Variants in DSTYK observed in about 807,000 individuals in gnomAD.
DSTYK encodes the protein RIP-homologous kinase.
Under a neutral mutation model 98.7 loss-of-function variants are expected in DSTYK, and 34 were observed. That is an observed-to-expected ratio of 0.34 (90% CI 0.26 to 0.46). The LOEUF (loss-of-function observed/expected upper bound fraction) is 0.46, where lower values mean the gene tolerates loss of function less well. Among genes scored for constraint, DSTYK ranks in the 20% least tolerant of loss-of-function variants. The probability of loss-of-function intolerance (pLI) is 1.00; values close to 1 mark genes in which losing one functional copy is unlikely to be tolerated. For missense variants in DSTYK, 962 were observed against 1,181.7 expected (o/e 0.81, Z 2.73); for synonymous variants, 462 against 457.3 (o/e 1.01, Z -0.13).
intron 1 of DSTYK, among the ~76,000 whole-genome samples, chr1:205,199,101 A>T (rs972487157): frequency 2.0e-5 from 3 of 152,170 alleles, no homozygotes; most frequent in African/African-American, 7.2e-5. Flanking sequence ...GACAATTCTG[A>T]TGTATCATTA....
chr1:205,159,943 G>T, intron 8 of DSTYK, 171 bp downstream of exon 8: 1 of 863,972 alleles, frequency 1.2e-6, no homozygotes, highest in Non-Finnish European at 1.8e-6. Context: ...TTAGGATGGT[G>T]GGGAAAGAGC....
Position 205,202,127 on chromosome 1 carries a change from AGGGAAGGGGAAG to A in DSTYK, c.265+9132_265+9143del, listed in dbSNP as rs1033384076. On this transcript the variant is annotated intron_variant, in intron 1 of 12. Coordinates refer to ENST00000367162, the MANE Select transcript of DSTYK (RefSeq NM_015375.3). The stretch of plus-strand genomic sequence containing the variant: ...AGGGGGAAGGGAGAAGGGGAAGGGA[AGGGAAGGGGAAG>A]GGGAAGGGGAAGGGGCTTCTTCCCC... 14 of 453,958 alleles carry A rather than the reference AGGGAAGGGGAAG, an allele frequency of 3.1e-5. No individual in the cohort carries two copies. The Middle Eastern group carries it at 2.2e-3, about 71-fold the overall frequency. The allele number at this position is 453,958 out of a possible 1,614,324, so 28.1% of individuals were successfully genotyped here. A position where few individuals can be genotyped will look rare whatever the true frequency, so the allele number is the denominator to read the frequency against.
chr1:205,201,607 C>A (rs1659043399), intron 1 of DSTYK, among the ~76,000 whole-genome samples: 1 of 152,086 alleles, frequency 6.6e-6, no homozygotes, highest in Non-Finnish European at 1.5e-5. Flanking sequence ...CCAATATCCA[C>A]CAGCTGTGGA....
chr1:205,151,503 G>T (rs1403823454), intron 10 of DSTYK, among the ~76,000 whole-genome samples: 1 of 152,082 alleles, frequency 6.6e-6, no homozygotes, highest in Non-Finnish European at 1.5e-5. Flanking sequence ...AGACAGGGTT[G>T]TGCTCTGTCG....
rs1657236184 is a variant in DSTYK at position 205,146,481 on chromosome 1, T to C, written c.*1077A>G. ...TTCTGGGGTTAGCAGTAACTCTAAA[T>C]CCAATAACTCCTGTGTGTATGTCTA... On this transcript the variant is annotated 3_prime_UTR_variant, in exon 13 of 13. Coordinates refer to ENST00000367162, the MANE Select transcript of DSTYK (RefSeq NM_015375.3). 6.6e-6 allele frequency: 1 copy of C among 152,026 alleles called. No individual in the cohort carries two copies. Among genetic ancestry groups the C allele is most frequent in the South Asian group, 2.1e-4 (1 of 4,816 alleles). The allele number at this position is 152,026 out of a possible 1,614,324, so 9.4% of individuals were successfully genotyped here.
intron 4 of DSTYK, 111 bp from the exon 5 acceptor site, chr1:205,163,117 T>C: frequency 2.2e-6 from 2 of 892,898 alleles, no homozygotes; most frequent in East Asian, 4.9e-5. Flanking sequence ...GTTTCCAAAC[T>C]TACCCCTCAA....
At chr1:205,186,606 T>C (rs114646720) in intron 2 of DSTYK, among the ~76,000 whole-genome samples, 1,883 of 152,274 alleles carry the variant, frequency 0.012, 42 homozygotes, top group African/African-American at 0.043. Flanking sequence ...TGAGTATGGC[T>C]GAATTATTTT....
At chr1:205,197,115 C>T (rs780737485) in intron 1 of DSTYK, among the ~76,000 whole-genome samples, 1 of 149,182 alleles carries the variant, frequency 6.7e-6, no homozygotes, top group East Asian at 2.0e-4. Context: ...GATGGGTTAA[C>T]GTCATATACC....
At chr1:205,209,935 C>T (rs909208980) in intron 1 of DSTYK, among the ~76,000 whole-genome samples, 2 of 151,294 alleles carry the variant, frequency 1.3e-5, no homozygotes, top group African/African-American at 4.9e-5. Context: ...GAGTCTTGCT[C>T]CGTCGCACAG....
At chr1:205,206,765 A>G (rs1187526196) in intron 1 of DSTYK, among the ~76,000 whole-genome samples, 1 of 149,204 alleles carries the variant, frequency 6.7e-6, no homozygotes, top group African/African-American at 2.5e-5. Flanking sequence ...TATTTTTAGT[A>G]GAGATAGGGT....
intron 11 of DSTYK, 132 bp from the exon 12 acceptor site, chr1:205,148,471 GC>G: frequency 9.1e-7 from 1 of 1,101,198 alleles, no homozygotes; most frequent in Non-Finnish European, 1.3e-6. Context: ...TAACAACCCT[GC>G]CAGGTAGGCA....
chr1:205,190,341 T>G (rs983463291), intron 1 of DSTYK, among the ~76,000 whole-genome samples: 2 of 152,108 alleles, frequency 1.3e-5, no homozygotes, highest in African/African-American at 4.8e-5. Context: ...ATAGGACCCT[T>G]CAGCCAGGTG....
rs374361260 is a variant in DSTYK, at chr1:205,171,648, T to C, written c.655-1816A>G. ...AGGTTGTTCCTCTGTGTCTCTGACA[T>C]TGTCTACTTTGCCTGGCATTCCAGG... On this transcript the variant is annotated intron_variant, in intron 2 of 12. Coordinates refer to ENST00000367162, the MANE Select transcript of DSTYK (RefSeq NM_015375.3). 4.8e-4 allele frequency among the ~76,000 whole-genome samples: 73 copies of C among 152,214 alleles called. 1 individual carries two copies. In the South Asian group the frequency reaches 0.015, roughly 31 times the overall value.
At chr1:205,202,136 G>GGGA in intron 1 of DSTYK, 2 of 499,048 alleles carry the variant, frequency 4.0e-6, no homozygotes, top group South Asian at 1.5e-5. Flanking sequence ...AAGGGAAGGG[G>GGGA]AAGGGGAAGG....
chr1:205,169,744 A>G lies in DSTYK; in HGVS notation c.743T>C (p.Ile248Thr). ...TTCATCTTTGTGGAGTGCATAGGTT[A>G]TCACAGGCAAGAAATCATTCACCAA... ...GDLVNDFLPV[I>T]TYALHKDELS... is the part of the protein sequence containing the mutation. The change falls in exon 3 of 13, where the codon ATA (isoleucine) becomes ACA (threonine). Residue 248 changes from isoleucine (I) to threonine (T), a missense_variant. Physicochemically the swap from Ile to Thr is moderately conservative, Grantham distance 89. This residue lies in a region of DSTYK where 660 missense variants were observed against 855.0 expected (regional missense o/e 0.77). Coordinates refer to ENST00000367162, the MANE Select transcript of DSTYK (RefSeq NM_015375.3). The surrounding 1 kb of genome is among the most constrained non-coding windows in gnomAD (Gnocchi z 4.0). 6.2e-7 allele frequency: 1 copy of G among 1,614,224 alleles called. No individual in the cohort carries two copies. The highest frequency in any genetic ancestry group is 8.5e-7 in the Non-Finnish European group (1 of 1,180,030).
intron 1 of DSTYK, among the ~76,000 whole-genome samples, chr1:205,197,927 C>T (rs1658914218): frequency 6.6e-6 from 1 of 152,232 alleles, no homozygotes; most frequent in Admixed American, 6.5e-5. Flanking sequence ...GGCGTGATGG[C>T]TCATGCCTGT....
chr1:205,174,138 G>C (rs1658154960), intron 2 of DSTYK, among the ~76,000 whole-genome samples: 1 of 152,108 alleles, frequency 6.6e-6, no homozygotes, highest in Non-Finnish European at 1.5e-5. Flanking sequence ...CAGCACTCTG[G>C]GAGGTTGAGG....
At chr1:205,203,679 G>A (rs12733997) in intron 1 of DSTYK, among the ~76,000 whole-genome samples, 1 of 151,926 alleles carries the variant, frequency 6.6e-6, no homozygotes, top group East Asian at 1.9e-4. Flanking sequence ...GCTTTGGGAG[G>A]CCGAGGCAGG....
rs771058036 is a variant in DSTYK at position 205,187,437 on chromosome 1, A to G, written c.635T>C (p.Met212Thr). 11 of 1,612,266 alleles carry G rather than the reference A, an allele frequency of 6.8e-6. 2 individuals are homozygous for G. The Middle Eastern group carries it at 8.3e-4, about 121-fold the overall frequency. ...AHVLAELEVT[M>T]HHALLQEVDV... ...TGGTACCTGTAAGAGAGCATGGTGC[A>G]TCGTTACCTCCAGTTCCGCTAAAAC... The change falls in exon 2 of 13, where the codon ATG becomes ACG. Residue 212 changes from methionine (M) to threonine (T), a missense_variant. Physicochemically the swap from Met to Thr is moderately conservative, Grantham distance 81. Transcript: ENST00000367162.
Sources: gnomAD v4.1 joint callset for allele counts (sites outside exome capture counted in the v4.1 genomes callset) on GRCh38, gnomAD v4.1.1 for gene constraint, gnomAD v4.1.1 regional missense constraint, Gnocchi (gnomAD v3.1) non-coding constraint, MANE v1.5 for transcripts, NCBI Gene and HGNC (gene_info 2026-07-23, HGNC 2026-07-21) for gene names.